CNTN5: variants seen among roughly 807,000 people sequenced by gnomAD.
CNTN5 encodes the protein contactin 5, also known as contactin-5.
Under a neutral mutation model 129.1 loss-of-function variants are expected in CNTN5, and 77 were observed. That is an observed-to-expected ratio of 0.60 (90% CI 0.50 to 0.72). The LOEUF is 0.72. Among genes scored for constraint, CNTN5 ranks in the 30% least tolerant of loss-of-function variants. The pLI, the probability that CNTN5 is intolerant of heterozygous loss-of-function variation, is 0.00. For missense variants in CNTN5, 1,478 were observed against 1,328.8 expected (o/e 1.11, Z -1.75); for synonymous variants, 509 against 465.6 (o/e 1.09, Z -1.20).
At position 99,114,251 on chromosome 11, in the gene CNTN5, C is replaced by T. The variant is rs141745614; in HGVS notation, c.-210+92981C>T. On this transcript the variant is annotated intron_variant, in intron 1 of 24. Coordinates refer to ENST00000524871, the MANE Select transcript of CNTN5 (RefSeq NM_014361.4). Reference sequence around the variant, plus strand: ...TATTACTGTATGTGGAAGTGCTCTGCTAAAATTGGATTTACTGGCCTTTCA... The same window carrying T: ...TATTACTGTATGTGGAAGTGCTCTGTTAAAATTGGATTTACTGGCCTTTCA... Among the ~76,000 whole-genome samples, 471 of 152,166 alleles carry T rather than the reference C, an allele frequency of 3.1e-3. 2 individuals carry two copies. Among genetic ancestry groups the T allele is most frequent in the African/African-American group, 0.011 (446 of 41,532 alleles).
intron 2 of CNTN5, among the ~76,000 whole-genome samples, chr11:99,328,992 G>T (rs1457808534): frequency 4.6e-5 from 7 of 152,002 alleles, no homozygotes; most frequent in Admixed American, 2.6e-4. Context: ...GTAATCTGAG[G>T]CTGCATGAAT....
At chr11:99,716,513 G>T (rs896026708) in intron 3 of CNTN5, among the ~76,000 whole-genome samples, 1 of 151,894 alleles carries the variant, frequency 6.6e-6, no homozygotes, top group Non-Finnish European at 1.5e-5. Flanking sequence ...TTTTCATGCT[G>T]CTCCCATGCA....
intron 3 of CNTN5, among the ~76,000 whole-genome samples, chr11:99,724,525 A>G (rs184632517): frequency 3.3e-5 from 5 of 152,308 alleles, no homozygotes; most frequent in Non-Finnish European, 5.9e-5. Context: ...AATTAATTCA[A>G]TCCTCAAAAT....
intron 2 of CNTN5, among the ~76,000 whole-genome samples, chr11:99,535,690 G>C (rs959504693): frequency 6.6e-6 from 1 of 152,128 alleles, no homozygotes; most frequent in Non-Finnish European, 1.5e-5. Context: ...GAAATGAATA[G>C]ACAGCAAAGT....
intron 13 of CNTN5, among the ~76,000 whole-genome samples, chr11:100,140,936 C>G (rs1197545106): frequency 1.3e-5 from 2 of 152,090 alleles, no homozygotes; most frequent in Non-Finnish European, 2.9e-5. Context: ...AAGAAAGTCC[C>G]CCATCCTTCA....
intron 3 of CNTN5, among the ~76,000 whole-genome samples, chr11:99,788,629 G>T (rs1271334799): frequency 6.6e-6 from 1 of 151,836 alleles, no homozygotes; most frequent in Non-Finnish European, 1.5e-5. Flanking sequence ...TTACATTATT[G>T]CAGCAGATAA....
chr11:99,976,090 A>G (rs7927071), intron 8 of CNTN5, among the ~76,000 whole-genome samples: 151,149 of 152,316 alleles, frequency 0.99, 75,006 homozygotes, highest in Middle Eastern at 1. Context: ...CAGGCCCCAT[A>G]CAAGTCCATA....
chr11:99,395,645 G>A (rs1941481639), intron 2 of CNTN5, among the ~76,000 whole-genome samples: 1 of 151,752 alleles, frequency 6.6e-6, no homozygotes, highest in Non-Finnish European at 1.5e-5. Context: ...GTACTCTGTA[G>A]GTTGTCTTCC....
intron 13 of CNTN5, among the ~76,000 whole-genome samples, chr11:100,112,115 A>G (rs1022446642): frequency 6.6e-6 from 1 of 152,134 alleles, no homozygotes; most frequent in African/African-American, 2.4e-5. Flanking sequence ...GCTTTAGCCA[A>G]TGAAATGTGA....
At chr11:100,246,016 A>G (rs1034250142) in intron 16 of CNTN5, among the ~76,000 whole-genome samples, 28 of 152,110 alleles carry the variant, frequency 1.8e-4, no homozygotes, top group Non-Finnish European at 1.5e-5. Flanking sequence ...CCCAGATGGT[A>G]GAGATTATTG....
chr11:100,286,655 A>G (rs951831778), intron 18 of CNTN5, among the ~76,000 whole-genome samples: 66 of 149,964 alleles, frequency 4.4e-4, no homozygotes, highest in Non-Finnish European at 7.2e-4. Flanking sequence ...AAAGATGGGG[A>G]AAAAACACAA....
intron 7 of CNTN5, among the ~76,000 whole-genome samples, chr11:99,946,427 T>C (rs2136130825): frequency 6.6e-6 from 1 of 152,160 alleles, no homozygotes; most frequent in Non-Finnish European, 1.5e-5. Flanking sequence ...CACATCTGAG[T>C]GATCGATACT....
chr11:99,362,406 A>T (rs1565521685), intron 2 of CNTN5, among the ~76,000 whole-genome samples: 1 of 152,104 alleles, frequency 6.6e-6, no homozygotes, highest in African/African-American at 2.4e-5. Context: ...CATAATTGAC[A>T]AATATTTTCT....
At chr11:99,600,672 T>C (rs959613583) in intron 3 of CNTN5, among the ~76,000 whole-genome samples, 1 of 152,192 alleles carries the variant, frequency 6.6e-6, no homozygotes, top group South Asian at 2.1e-4. Context: ...AATAGGAAGA[T>C]GGGTAGAAGC....
chr11:99,843,610 A>G (rs988569963), intron 4 of CNTN5, among the ~76,000 whole-genome samples: 4 of 152,166 alleles, frequency 2.6e-5, no homozygotes, highest in African/African-American at 9.7e-5. Context: ...GTAGTTTTTA[A>G]CAAGGGTCAT....
At chr11:99,923,963 T>C (rs1331019728) in intron 7 of CNTN5, among the ~76,000 whole-genome samples, 1 of 152,126 alleles carries the variant, frequency 6.6e-6, no homozygotes, top group Non-Finnish European at 1.5e-5. Context: ...AGCTAATTTT[T>C]TGTGTTTTAG....
chr11:99,088,282 G>A (rs1866083373), intron 1 of CNTN5, among the ~76,000 whole-genome samples: 1 of 152,092 alleles, frequency 6.6e-6, no homozygotes, highest in East Asian at 1.9e-4. Flanking sequence ...TGATAATGGG[G>A]TCTTTTGGCA....
intron 13 of CNTN5, among the ~76,000 whole-genome samples, chr11:100,131,005 G>T (rs1946356950): frequency 6.6e-6 from 1 of 152,048 alleles, no homozygotes; most frequent in Non-Finnish European, 1.5e-5. Context: ...TATCAAGATG[G>T]TAACGGAGAG....
At chr11:100,102,648 T>A (rs563682653) in intron 13 of CNTN5, among the ~76,000 whole-genome samples, 34 of 152,238 alleles carry the variant, frequency 2.2e-4, no homozygotes, top group Admixed American at 1.0e-3. Flanking sequence ...GTTAAGAATC[T>A]GATTATTGAT....
Sources: allele counts gnomAD v4.1 joint callset (sites outside exome capture counted in the v4.1 genomes callset), GRCh38; gene constraint gnomAD v4.1.1; transcripts MANE v1.5; gene names NCBI Gene and HGNC (gene_info 2026-07-23, HGNC 2026-07-21).